The following RBFOX1 variants were observed in gnomAD, a reference collection of about 807,000 sequenced individuals.
RBFOX1 encodes the protein RNA binding protein fox-1 homolog 1.
RBFOX1 carries 8 observed loss-of-function variants against 57.7 expected under a neutral mutation model. That is an observed-to-expected ratio of 0.14 (90% CI 0.08 to 0.25). The LOEUF (loss-of-function observed/expected upper bound fraction) is 0.25, where lower values mean the gene tolerates loss of function less well. RBFOX1 is among the 10% of genes least tolerant of loss of function. RBFOX1 has a pLI of 1.00. For synonymous variants in RBFOX1, 326 were observed against 222.4 expected, an observed-to-expected ratio of 1.47 and a Z score of -4.15; for missense variants, 611 against 548.5, an observed-to-expected ratio of 1.11 and a Z score of -1.14.
chr16:6,801,570 C>T (rs1252719799), intron 3 of RBFOX1, among the ~76,000 whole-genome samples: 3 of 151,902 alleles, frequency 2.0e-5, no homozygotes, highest in Non-Finnish European at 4.4e-5. Context: ...AAAGGAAGCC[C>T]ATAATTGGGG....
At chr16:5,561,246 T>C (rs2045880250) in intron 2 of RBFOX1, among the ~76,000 whole-genome samples, 1 of 151,776 alleles carries the variant, frequency 6.6e-6, no homozygotes. Context: ...TTATGGCCCA[T>C]GGTTAAAACC....
intron 3 of RBFOX1, among the ~76,000 whole-genome samples, chr16:6,802,054 G>A (rs986577140): frequency 6.6e-6 from 1 of 151,830 alleles, no homozygotes; most frequent in African/African-American, 2.4e-5. Context: ...TGGAGGCCTG[G>A]GGAGTTTCTT....
At chr16:6,487,735 A>T (rs1176325924) in intron 2 of RBFOX1, among the ~76,000 whole-genome samples, 1 of 58,216 alleles carries the variant, frequency 1.7e-5, no homozygotes, top group Non-Finnish European at 3.3e-5. Flanking sequence ...ATATATATAT[A>T]TATATATATA....
At chr16:6,339,392 T>C (rs2084208354) in intron 2 of RBFOX1, among the ~76,000 whole-genome samples, 1 of 152,158 alleles carries the variant, frequency 6.6e-6, no homozygotes, top group African/African-American at 2.4e-5. Flanking sequence ...GAAAGTGGTT[T>C]AATTATGGGG....
intron 4 of RBFOX1, among the ~76,000 whole-genome samples, chr16:7,064,834 A>G (rs2055547154): frequency 6.6e-6 from 1 of 152,244 alleles, no homozygotes; most frequent in African/African-American, 2.4e-5. Context: ...TGATTTAATT[A>G]CATATTCTAA....
chr16:7,254,778 G>A (rs1459105996), intron 4 of RBFOX1, among the ~76,000 whole-genome samples: 1 of 152,084 alleles, frequency 6.6e-6, no homozygotes, highest in Non-Finnish European at 1.5e-5. Context: ...CTCATACCTA[G>A]AAGGGTGCTT....
At chr16:6,015,531 A>G (rs2094988166), upstream of RBFOX1, among the ~76,000 whole-genome samples, 1 of 152,170 alleles carries the variant, frequency 6.6e-6, no homozygotes, top group Admixed American at 6.5e-5. Flanking sequence ...TCCCTAGCCC[A>G]TATCTTTAGT....
chr16:5,711,413 G>C (rs1471030022), intron 3 of RBFOX1, among the ~76,000 whole-genome samples: 1 of 152,162 alleles, frequency 6.6e-6, no homozygotes, highest in Non-Finnish European at 1.5e-5. Flanking sequence ...AACCATTCAG[G>C]ATACCACCTT....
At chr16:5,537,281 G>A (rs982127744) in intron 2 of RBFOX1, among the ~76,000 whole-genome samples, 1 of 152,082 alleles carries the variant, frequency 6.6e-6, no homozygotes, top group Non-Finnish European at 1.5e-5. Flanking sequence ...TCTCCCCATT[G>A]CCCAATTCCA....
chr16:6,358,865 TG>T (rs1375230994), intron 2 of RBFOX1, among the ~76,000 whole-genome samples: 1 of 152,214 alleles, frequency 6.6e-6, no homozygotes, highest in African/African-American at 2.4e-5. Context: ...GAGAAAGTGC[TG>T]TTTGACGAAG....
intron 4 of RBFOX1, among the ~76,000 whole-genome samples, chr16:7,480,081 C>T (rs572295460): frequency 1.3e-5 from 2 of 152,288 alleles, no homozygotes; most frequent in East Asian, 3.9e-4. Context: ...TCTATGTGAG[C>T]TGTTGATTAT....
chr16:7,144,101 A>G (rs1320888303), intron 4 of RBFOX1, among the ~76,000 whole-genome samples: 1 of 152,204 alleles, frequency 6.6e-6, no homozygotes, highest in Non-Finnish European at 1.5e-5. Flanking sequence ...AAACGTCTTC[A>G]TAGAATTTGC....
intron 5 of RBFOX1, among the ~76,000 whole-genome samples, chr16:7,557,940 G>A (rs747714180): frequency 5.9e-5 from 9 of 152,096 alleles, no homozygotes; most frequent in East Asian, 5.8e-4. Context: ...CCATCACGCA[G>A]TATTTCCACC....
At chr16:6,406,895 C>T (rs189817105) in intron 2 of RBFOX1, among the ~76,000 whole-genome samples, 1 of 152,060 alleles carries the variant, frequency 6.6e-6, no homozygotes, top group African/African-American at 2.4e-5. Flanking sequence ...GCTGGCTGAC[C>T]CCCCTACTGA....
At chr16:7,636,046 G>A (rs1014576045) in intron 11 of RBFOX1, among the ~76,000 whole-genome samples, 1 of 152,166 alleles carries the variant, frequency 6.6e-6, no homozygotes, top group Non-Finnish European at 1.5e-5. Flanking sequence ...TCCTGACCTC[G>A]TGATCCACCC....
At chr16:6,719,426 C>A (rs1452492393) in intron 3 of RBFOX1, among the ~76,000 whole-genome samples, 1 of 149,708 alleles carries the variant, frequency 6.7e-6, no homozygotes, top group African/African-American at 2.5e-5. Flanking sequence ...GCATAGTTTC[C>A]TCATCTTCAA....
In RBFOX1 at chr16:7,144,417, C is replaced by CTTCT. The variant is rs3046798; in HGVS notation, c.27+92321_27+92322insCTTT. 6.7e-3 allele frequency among the ~76,000 whole-genome samples: 448 copies of CTTCT among 66,914 alleles called. 24 individuals carry two copies. Among genetic ancestry groups the CTTCT allele is most frequent in the African/African-American group, 0.025 (410 of 16,492 alleles). The allele number at this position is 66,914 out of a possible 152,430, so 43.9% of individuals were successfully genotyped here. ...TCTTTTCTCTTTCTTTTTCTTTCTT[C>CTTCT]TTTTTTTTTTTTTTTTTTTTTGAGT... On this transcript the variant is annotated intron_variant, in intron 4 of 15. Transcript: ENST00000550418.
At chr16:7,653,363 G>C (rs1376362041) in intron 11 of RBFOX1, among the ~76,000 whole-genome samples, 1 of 152,096 alleles carries the variant, frequency 6.6e-6, no homozygotes, top group Admixed American at 6.5e-5. Flanking sequence ...TTAGCCAGGT[G>C]TGGTAGCACA....
chr16:5,744,172 G>A (rs9927588), intron 3 of RBFOX1, among the ~76,000 whole-genome samples: 64,154 of 151,554 alleles, frequency 0.42, 13,697 homozygotes, highest in East Asian at 0.57. Context: ...CCCATCTGGA[G>A]CTCCTTCCTC....
Sources: allele counts gnomAD v4.1 joint callset (sites outside exome capture counted in the v4.1 genomes callset), GRCh38; gene constraint gnomAD v4.1.1; transcripts MANE v1.5; gene names NCBI Gene and HGNC (gene_info 2026-07-23, HGNC 2026-07-21).